Variants in NTNG1 observed in about 807,000 individuals in gnomAD.
NTNG1 encodes netrin-G1.
A neutral mutation model predicts 54.0 loss-of-function variants in NTNG1; 16 were observed. The observed-to-expected ratio is 0.30, with a 90% CI of 0.20 to 0.45. The LOEUF (loss-of-function observed/expected upper bound fraction) is 0.45, where lower values mean the gene tolerates loss of function less well. Among genes scored for constraint, NTNG1 ranks in the 20% least tolerant of loss-of-function variants. NTNG1 has a pLI of 1.00. For synonymous variants in NTNG1, 255 were observed against 263.1 expected (o/e 0.97, Z 0.30); for missense variants, 530 against 678.7 (o/e 0.78, Z 2.43).
chr1:107,411,065 A>T lies in NTNG1; in HGVS notation c.1087+3357A>T, dbSNP rs575315796. 3.3e-5 allele frequency among the ~76,000 whole-genome samples: 5 copies of T among 152,288 alleles called. No individual in the cohort carries two copies. The East Asian group carries it at 9.7e-4, about 29-fold the overall frequency. On this transcript the variant is annotated intron_variant, in intron 5 of 7. Transcript: ENST00000370068. ...TTTTAAATAACACAAACAAAAGAAG[A>T]GAGATGTACACATTTTGTGAACCTG...
chr1:107,432,055 G>A (rs675687), intron 6 of NTNG1, among the ~76,000 whole-genome samples: 144,138 of 152,130 alleles, frequency 0.95, 68,664 homozygotes, highest in East Asian at 1. Context: ...AGTACTTTCT[G>A]TATTTCAGAG....
chr1:107,175,303 G>A (rs1656565203), intron 2 of NTNG1, among the ~76,000 whole-genome samples: 1 of 152,124 alleles, frequency 6.6e-6, no homozygotes. Flanking sequence ...GCATCAGAAA[G>A]CAAGAGGCAT....
Position 107,395,338 on chromosome 1 carries a change from T to C in NTNG1, c.1060+12T>C, listed in dbSNP as rs1394430298. 1 of 1,611,520 alleles carries C rather than the reference T, an allele frequency of 6.2e-7. No individual in the cohort carries two copies. The highest frequency in any genetic ancestry group is 1.7e-5 in the Admixed American group (1 of 59,960). ...CACTGCAAATACCTGTGAGTAACTTTGCTTGGTAACAGCATATTCTGTGCA... is the reference window on the plus strand; with the variant it reads ...CACTGCAAATACCTGTGAGTAACTTCGCTTGGTAACAGCATATTCTGTGCA... On this transcript the variant is annotated intron_variant, in intron 4 of 7. Transcript: ENST00000370068.
chr1:107,393,008 A>G (rs1006594312), intron 3 of NTNG1, among the ~76,000 whole-genome samples: 3 of 152,186 alleles, frequency 2.0e-5, no homozygotes, highest in African/African-American at 7.2e-5. Flanking sequence ...CTGAGAAAAA[A>G]TAAGACTAAA....
intron 2 of NTNG1, among the ~76,000 whole-genome samples, chr1:107,235,947 C>G (rs756312729): frequency 1.3e-5 from 2 of 152,144 alleles, no homozygotes; most frequent in Non-Finnish European, 2.9e-5. Flanking sequence ...TCTGCCCCCA[C>G]ACCAACAGAG....
At chr1:107,333,659 TTG>T (rs984919033) in intron 3 of NTNG1, among the ~76,000 whole-genome samples, 49 of 150,534 alleles carry the variant, frequency 3.3e-4, no homozygotes, top group Admixed American at 1.3e-3. Context: ...ATGTGTGTGT[TTG>T]TGTGTGTGTG....
At chr1:107,267,840 A>G (rs1023243270) in intron 2 of NTNG1, among the ~76,000 whole-genome samples, 1 of 152,066 alleles carries the variant, frequency 6.6e-6, no homozygotes, top group African/African-American at 2.4e-5. Flanking sequence ...TCTGTCCTTC[A>G]CTAGAATGAA....
In NTNG1 at chr1:107,413,699, T is replaced by C. The variant is rs530318706; in HGVS notation, c.1087+5991T>C. Among the ~76,000 whole-genome samples, 28 of 152,242 alleles carry C rather than the reference T, an allele frequency of 1.8e-4. No individual in the cohort carries two copies. The South Asian group carries it at 5.8e-3, about 32-fold the overall frequency. ...AAAATTATGTAAGCATTAGTGTTGT[T>C]AGGAAACTTAATAAAAAAGCAACTC... On this transcript the variant is annotated intron_variant, in intron 5 of 7. Coordinates refer to ENST00000370068, the MANE Select transcript of NTNG1 (RefSeq NM_001113226.3).
intron 2 of NTNG1, among the ~76,000 whole-genome samples, chr1:107,187,728 A>C (rs1657571252): frequency 6.6e-6 from 1 of 152,168 alleles, no homozygotes; most frequent in Non-Finnish European, 1.5e-5. Context: ...AGAAACACTG[A>C]GACCAGATAC....
intron 1 of NTNG1, among the ~76,000 whole-genome samples, chr1:107,146,963 G>C (rs1207860169): frequency 6.6e-6 from 1 of 151,888 alleles, no homozygotes; most frequent in Non-Finnish European, 1.5e-5. Flanking sequence ...AAAATTGTAG[G>C]CTTTTTTGTC....
intron 3 of NTNG1, among the ~76,000 whole-genome samples, chr1:107,355,350 C>A (rs1254452541): frequency 6.6e-6 from 1 of 151,324 alleles, no homozygotes; most frequent in African/African-American, 2.4e-5. Flanking sequence ...TTTCTGCTAG[C>A]TTTGTGAGTT....
intron 5 of NTNG1, among the ~76,000 whole-genome samples, chr1:107,421,809 C>A (rs981773626): frequency 1.1e-4 from 16 of 151,974 alleles, no homozygotes; most frequent in African/African-American, 3.9e-4. Flanking sequence ...ACCATTTTTT[C>A]TTTAAATGTC....
intron 3 of NTNG1, among the ~76,000 whole-genome samples, chr1:107,328,352 A>G (rs1668084414): frequency 6.6e-6 from 1 of 152,132 alleles, no homozygotes; most frequent in Admixed American, 6.6e-5. Flanking sequence ...GGGTAATACT[A>G]CAATAATATC....
At chr1:107,349,549 A>G (rs1056621688) in intron 3 of NTNG1, among the ~76,000 whole-genome samples, 7 of 152,102 alleles carry the variant, frequency 4.6e-5, no homozygotes, top group East Asian at 1.9e-4. Flanking sequence ...CCAAGTGACA[A>G]TACCATGCTG....
chr1:107,208,082 G>T lies in NTNG1; in HGVS notation c.246+59243G>T, dbSNP rs373923459. ...TGCTGAAGTGCTCAAGGCGTCGAAGGCATGTGTGTTCCCTTGAGACACCAG... is the reference window on the plus strand; with the variant it reads ...TGCTGAAGTGCTCAAGGCGTCGAAGTCATGTGTGTTCCCTTGAGACACCAG... On this transcript the variant is annotated intron_variant, in intron 2 of 7. Transcript: ENST00000370068. Among the ~76,000 whole-genome samples the T allele has an allele frequency of 1.6e-4, 24 of 152,262 alleles. 1 individual carries two copies. The East Asian group carries it at 2.3e-3, about 15-fold the overall frequency.
At chr1:107,412,437 A>G (rs1159525390) in intron 5 of NTNG1, among the ~76,000 whole-genome samples, 1 of 152,222 alleles carries the variant, frequency 6.6e-6, no homozygotes, top group Non-Finnish European at 1.5e-5. Flanking sequence ...AACTTGCCCA[A>G]TGCAGTACAA....
intron 2 of NTNG1, among the ~76,000 whole-genome samples, chr1:107,321,677 C>T (rs893248629): frequency 1.1e-4 from 17 of 152,114 alleles, no homozygotes; most frequent in African/African-American, 3.1e-4. Context: ...TGAAGCTAAA[C>T]AAGGTTCTTA....
At chr1:107,394,425 A>G (rs1371207509) in intron 3 of NTNG1, among the ~76,000 whole-genome samples, 1 of 140,342 alleles carries the variant, frequency 7.1e-6, no homozygotes, top group Non-Finnish European at 1.6e-5. Context: ...CTGCCACATG[A>G]AGGATTTTTT....
intron 7 of NTNG1, among the ~76,000 whole-genome samples, chr1:107,457,761 G>A (rs1410892463): frequency 6.6e-6 from 1 of 152,124 alleles, no homozygotes; most frequent in East Asian, 1.9e-4. Context: ...TGAGTTTGTA[G>A]TGTGGGGATG....
Sources: allele counts gnomAD v4.1 joint callset (sites outside exome capture counted in the v4.1 genomes callset), GRCh38; gene constraint gnomAD v4.1.1; transcripts MANE v1.5; gene names NCBI Gene and HGNC (gene_info 2026-07-23, HGNC 2026-07-21).